Variants in PPP1R26 observed in about 807,000 individuals in gnomAD.
PPP1R26 encodes protein phosphatase 1 regulatory subunit 26.
PPP1R26 carries 22 observed loss-of-function variants against 67.6 expected under a neutral mutation model. That is an observed-to-expected ratio of 0.33 (90% confidence interval 0.23 to 0.46). The LOEUF is 0.46. PPP1R26 is among the 20% of genes least tolerant of loss of function. The pLI is 1.00. For synonymous variants in PPP1R26, 729 were observed against 717.2 expected (o/e 1.02, Z -0.26); for missense variants, 1,602 against 1,651.4 (o/e 0.97, Z 0.52).
chr9:135,485,158 G>A lies in PPP1R26; in HGVS notation c.648G>A (p.Val216=), dbSNP rs777063716. The A allele has an allele frequency of 1.7e-5, 27 of 1,612,790 alleles. No individual in the cohort carries two copies. Among genetic ancestry groups the A allele is most frequent in the Non-Finnish European group, 1.7e-6 (2 of 1,179,874 alleles). Reference sequence around the variant, plus strand: ...AGGGCTCCGCCTCCCCGGTCAGTGTGAGCAGCGATGACTCCTTCGAGCAGA... The same window carrying A: ...AGGGCTCCGCCTCCCCGGTCAGTGTAAGCAGCGATGACTCCTTCGAGCAGA... ...KDQGSASPVS[V]SSDDSFEQSI... Residue 216 remains valine, a synonymous_variant, in exon 4 of 4, where the codon GTG becomes GTA. Coordinates refer to ENST00000356818, the MANE Select transcript of PPP1R26 (RefSeq NM_014811.5). This position sits in a 1 kb window ranked among gnomAD's most constrained non-coding sequence, Gnocchi z 7.2.
intron 1 of PPP1R26, among the ~76,000 whole-genome samples, chr9:135,481,824 G>A (rs892541032): frequency 2.0e-5 from 3 of 151,872 alleles, no homozygotes; most frequent in African/African-American, 7.3e-5. Context: ...TCACCATATT[G>A]GCCAGGCTGG....
At position 135,487,879 on chromosome 9, in the gene PPP1R26, G is replaced by A; in HGVS notation, c.3369G>A (p.Gln1123=). 6.3e-7 allele frequency: 1 copy of A among 1,583,472 alleles called. No individual in the cohort carries two copies. Among genetic ancestry groups the A allele is most frequent in the Non-Finnish European group, 8.6e-7 (1 of 1,167,078 alleles). ...GPSFSAFREA[Q]AGPSPVFGSP... Reference sequence around the variant, plus strand: ...CCTTCTCGGCCTTCAGGGAGGCCCAGGCCGGACCCAGCCCTGTCTTTGGAA... The same window carrying A: ...CCTTCTCGGCCTTCAGGGAGGCCCAAGCCGGACCCAGCCCTGTCTTTGGAA... The change falls in exon 4 of 4, where the codon CAG becomes CAA. Residue 1123 remains glutamine, a synonymous_variant. Transcript: ENST00000356818.
chr9:135,480,797 G>A (rs934493605), intron 1 of PPP1R26: 16 of 152,422 alleles, frequency 1.0e-4, no homozygotes, highest in Non-Finnish European at 2.1e-4. Context: ...GCCCACTTCT[G>A]GGTGGCTGGA....
chr9:135,481,569 C>G (rs771678621), intron 1 of PPP1R26, among the ~76,000 whole-genome samples: 3 of 151,120 alleles, frequency 2.0e-5, no homozygotes, highest in African/African-American at 7.3e-5. Context: ...TGATTCATCT[C>G]GCATAATGTT....
chr9:135,481,246 T>G (rs569088909), intron 1 of PPP1R26, among the ~76,000 whole-genome samples: 2 of 150,298 alleles, frequency 1.3e-5, no homozygotes, highest in African/African-American at 2.4e-5. Flanking sequence ...GTTTTTTTTT[T>G]TTTTTTTTTT....
chr9:135,485,147 C>T lies in PPP1R26; in HGVS notation c.637C>T (p.Pro213Ser). The change falls in exon 4 of 4, where the codon CCG becomes TCG. Residue 213 changes from proline (P) to serine (S), a missense_variant. Pro to Ser is a moderately conservative substitution (Grantham distance 74, BLOSUM62 -1). This residue lies in a region of PPP1R26 where 680 missense variants were observed against 726.1 expected (regional missense o/e 0.94). Transcript: ENST00000356818. The surrounding 1 kb of genome is among the most constrained non-coding windows in gnomAD (Gnocchi z 7.2). ...GSSKDQGSAS[P>S]VSVSSDDSFE... is the part of the protein sequence containing the mutation. ...CAGCAAGGACCAGGGCTCCGCCTCC[C>T]CGGTCAGTGTGAGCAGCGATGACTC... 6.2e-7 allele frequency: 1 copy of T among 1,612,916 alleles called. No individual in the cohort carries two copies. The highest frequency in any genetic ancestry group is 8.5e-7 in the Non-Finnish European group (1 of 1,179,852).
Position 135,487,740 on chromosome 9 carries a change from G to A in PPP1R26, c.3230G>A (p.Gly1077Asp). ...GGCCTGCCCAGCCTGCCCCTTGCGG[G>A]CTTCTCGCCGCTGCTGTCCACCCAG... ...ARGLPSLPLA[G>D]FSPLLSTQLF... Residue 1077 changes from glycine to aspartate, a missense_variant, in exon 4 of 4, where the codon GGC becomes GAC. Around this residue, in one of 5 missense-constraint regions of PPP1R26, gnomAD observed 740 missense variants for 696.3 expected, o/e 1.06. Transcript: ENST00000356818. 3 of 1,460,226 alleles carry A rather than the reference G, an allele frequency of 2.1e-6. No homozygotes were observed. The highest frequency in any genetic ancestry group is 2.7e-6 in the Non-Finnish European group (3 of 1,106,502). The allele number at this position is 1,460,226 out of a possible 1,614,324, so 90.5% of individuals were successfully genotyped here.
rs369529963 is a variant in PPP1R26 at position 135,485,320 on chromosome 9, G to T, written c.810G>T (p.Pro270=). 1.2e-6 allele frequency: 2 copies of T among 1,612,954 alleles called. No individual in the cohort carries two copies. The highest frequency in any genetic ancestry group is 2.2e-5 in the East Asian group (1 of 44,876). The change falls in exon 4 of 4, where the codon CCG becomes CCT. Residue 270 remains proline, a synonymous_variant. Transcript: ENST00000356818. This position sits in a 1 kb window ranked among gnomAD's most constrained non-coding sequence, Gnocchi z 7.2. ...CACTCTTGAAATCCCACCAAGAGCCGCCTACAAAGGTGGTGCATCGGCAGG... is the reference window on the plus strand; with the variant it reads ...CACTCTTGAAATCCCACCAAGAGCCTCCTACAAAGGTGGTGCATCGGCAGG... ...AKSLLKSHQE[P]PTKVVHRQGL... is the part of the protein sequence containing the mutation.
chr9:135,483,933 A>G lies in PPP1R26; in HGVS notation c.-195-17A>G, dbSNP rs187448658. 1 of 399,142 alleles carries G rather than the reference A, an allele frequency of 2.5e-6. No individual in the cohort carries two copies. Among genetic ancestry groups the G allele is most frequent in the Admixed American group, 4.4e-5 (1 of 22,820 alleles). 24.7% of individuals were successfully genotyped at this position (399,142 alleles called of 1,614,324 possible). A position where few individuals can be genotyped will look rare whatever the true frequency, so the allele number is the denominator to read the frequency against. On this transcript the variant is annotated splice_polypyrimidine_tract_variant and intron_variant, in intron 2 of 3. Coordinates refer to ENST00000356818, the MANE Select transcript of PPP1R26 (RefSeq NM_014811.5). ...ATAATTTCTGAGTGGCTCACATCAT[A>G]CAACTTTCCGTTCCAGGAGCTTGTC... is the stretch of plus-strand genomic sequence containing the variant.
chr9:135,486,539 A>G lies in PPP1R26; in HGVS notation c.2029A>G (p.Lys677Glu). ...AGACGAGGCAAGGCGCCTAGACGAG[A>G]AAGAGAGCTCTGAAGACAAAAGCAG... is the stretch of plus-strand genomic sequence containing the variant. ...KTDEARRLDE[K>E]ESSEDKSSSL... The change falls in exon 4 of 4, where the codon AAA (lysine) becomes GAA (glutamate). Residue 677 changes from lysine to glutamate, a missense_variant. Coordinates refer to ENST00000356818, the MANE Select transcript of PPP1R26 (RefSeq NM_014811.5). The surrounding 1 kb of genome is among the most constrained non-coding windows in gnomAD (Gnocchi z 6.2). 6.2e-7 allele frequency: 1 copy of G among 1,612,352 alleles called. No individual in the cohort carries two copies. Among genetic ancestry groups the G allele is most frequent in the Admixed American group, 1.7e-5 (1 of 60,014 alleles).
At position 135,486,913 on chromosome 9, in the gene PPP1R26, C is replaced by T. The variant is rs1564209240; in HGVS notation, c.2403C>T (p.Ser801=). ...CCTTCCGGGTGAGGAGACCCGCCTC[C>T]GCCTCTGCCTCCGAAGGGAATCCAT... is the stretch of plus-strand genomic sequence containing the variant. ...ALAFRVRRPA[S]ASASEGNPFP... Residue 801 remains serine (S), a synonymous_variant, in exon 4 of 4, where the codon TCC becomes TCT. Transcript: ENST00000356818. The surrounding 1 kb of genome is among the most constrained non-coding windows in gnomAD (Gnocchi z 6.2). The T allele has an allele frequency of 6.2e-6, 10 of 1,612,894 alleles. No individual in the cohort carries two copies. The highest frequency in any genetic ancestry group is 1.7e-5 in the Admixed American group (1 of 60,028).
chr9:135,479,355 GC>G (rs1830431105), upstream of PPP1R26, among the ~76,000 whole-genome samples: 1 of 151,804 alleles, frequency 6.6e-6, no homozygotes, highest in Non-Finnish European at 1.5e-5. This position sits in a 1 kb window ranked among gnomAD's most constrained non-coding sequence, Gnocchi z 5.9. Flanking sequence ...TGGCGCCGGG[GC>G]CCCGCACGCT....
rs1238807878 is a variant in PPP1R26, at chr9:135,485,734, C to A, written c.1224C>A (p.Ser408Arg). 4.3e-6 allele frequency: 7 copies of A among 1,610,366 alleles called. No homozygotes were observed. Among genetic ancestry groups the A allele is most frequent in the Non-Finnish European group, 5.9e-6 (7 of 1,180,016 alleles). ...CTGACCCTCCCGCACACAGCACAAG[C>A]AGTGCCACAAAAAGTGCCTTGCCCG... ...RAPDPPAHSTSSATKSALPET... is the reference protein window; with the variant it reads ...RAPDPPAHSTRSATKSALPET... Residue 408 changes from serine to arginine, a missense_variant, in exon 4 of 4, where the codon AGC (serine) becomes AGA (arginine). Coordinates refer to ENST00000356818, the MANE Select transcript of PPP1R26 (RefSeq NM_014811.5). This position sits in a 1 kb window ranked among gnomAD's most constrained non-coding sequence, Gnocchi z 7.2.
intron 2 of PPP1R26, chr9:135,483,335 A>C (rs1294049722): frequency 1.3e-5 from 2 of 152,220 alleles, no homozygotes; most frequent in Non-Finnish European, 2.9e-5. Context: ...GTAAATACCC[A>C]ATTATGTGCT....
In PPP1R26 at chr9:135,484,115, G is replaced by C. The variant is rs1830616624; in HGVS notation, c.-63+33G>C. On this transcript the variant is annotated intron_variant, in intron 3 of 3. Transcript: ENST00000356818. Reference sequence around the variant, plus strand: ...AAACCTCTCCCCTCTTACAGAGAAGGTGGAAGCCCGGAGTGAGAAGGGAAG... The same window carrying C: ...AAACCTCTCCCCTCTTACAGAGAAGCTGGAAGCCCGGAGTGAGAAGGGAAG... The C allele has an allele frequency of 7.2e-6, 3 of 413,974 alleles. No individual in the cohort carries two copies. The East Asian group carries it at 1.0e-4, about 14-fold the overall frequency. 25.6% of individuals were successfully genotyped at this position (413,974 alleles called of 1,614,324 possible).
In PPP1R26 at chr9:135,485,886, C is replaced by T. The variant is rs368798891; in HGVS notation, c.1376C>T (p.Ala459Val). Residue 459 changes from alanine to valine, a missense_variant, in exon 4 of 4, where the codon GCG (alanine) becomes GTG (valine). Physicochemically the swap from Ala to Val is moderately conservative, Grantham distance 64. Transcript: ENST00000356818. The surrounding 1 kb of genome is among the most constrained non-coding windows in gnomAD (Gnocchi z 7.2). ...LLKETKAPPP[A>V]SPASRSEFVE... is the part of the protein sequence containing the mutation. ...AAGGAAACCAAAGCTCCACCTCCAG[C>T]GAGCCCTGCTTCCAGGAGTGAGTTT... The T allele has an allele frequency of 8.7e-5, 140 of 1,613,424 alleles. No individual in the cohort carries two copies. Among genetic ancestry groups the T allele is most frequent in the East Asian group, 1.1e-4 (5 of 44,870 alleles).
Position 135,487,753 on chromosome 9 carries a change from G to A in PPP1R26, c.3243G>A (p.Leu1081=), listed in dbSNP as rs769611358. ...TGCCCCTTGCGGGCTTCTCGCCGCT[G>A]CTGTCCACCCAGCTCTTCCACTTTG... ...PSLPLAGFSP[L]LSTQLFHFGK... The change falls in exon 4 of 4, where the codon CTG becomes CTA. Residue 1081 remains leucine (L), a synonymous_variant. Transcript: ENST00000356818. The A allele has an allele frequency of 6.8e-7, 1 of 1,479,542 alleles. No individual in the cohort carries two copies. The highest frequency in any genetic ancestry group is 9.0e-7 in the Non-Finnish European group (1 of 1,116,636). The allele number at this position is 1,479,542 out of a possible 1,614,324, so 91.7% of individuals were successfully genotyped here. A position where few individuals can be genotyped will look rare whatever the true frequency, so the allele number is the denominator to read the frequency against.
rs894762414 is a variant in PPP1R26, at chr9:135,482,732, G to A, written c.-279G>A. Reference sequence around the variant, plus strand: ...GAGAGAATGCCTCGGTGTGTAAGTGGAGTGATGAGGACCTGATCTCTGGGC... The same window carrying A: ...GAGAGAATGCCTCGGTGTGTAAGTGAAGTGATGAGGACCTGATCTCTGGGC... On this transcript the variant is annotated 5_prime_UTR_variant, in exon 2 of 4. Coordinates refer to ENST00000356818, the MANE Select transcript of PPP1R26 (RefSeq NM_014811.5). The A allele has an allele frequency of 5.0e-6, 2 of 398,458 alleles. No homozygotes were observed. The highest frequency in any genetic ancestry group is 8.8e-6 in the Non-Finnish European group (2 of 226,072). The allele number at this position is 398,458 out of a possible 1,614,324, so 24.7% of individuals were successfully genotyped here. A position where few individuals can be genotyped will look rare whatever the true frequency, so the allele number is the denominator to read the frequency against.
chr9:135,486,690 C>A lies in PPP1R26; in HGVS notation c.2180C>A (p.Ala727Asp), dbSNP rs552032298. The change falls in exon 4 of 4, where the codon GCC becomes GAC. Residue 727 changes from alanine to aspartate, a missense_variant. Ala to Asp is a moderately radical substitution (Grantham distance 126, BLOSUM62 -2). This residue lies in a region of PPP1R26 where 740 missense variants were observed against 696.3 expected (regional missense o/e 1.06). Transcript: ENST00000356818. This position sits in a 1 kb window ranked among gnomAD's most constrained non-coding sequence, Gnocchi z 6.2. ...AGGAAGAAGGTCAGGTTCAGCACAG[C>A]CCAGACGCACTTCTTGGAGCAGCTG... ...ACRKKVRFST[A>D]QTHFLEQLGG... 32 of 1,599,692 alleles carry A rather than the reference C, an allele frequency of 2.0e-5. No individual in the cohort carries two copies. The highest frequency in any genetic ancestry group is 4.5e-5 in the South Asian group (4 of 89,366).
Sources: allele counts gnomAD v4.1 joint callset (sites outside exome capture counted in the v4.1 genomes callset), GRCh38; gene constraint gnomAD v4.1.1; regional missense constraint gnomAD v4.1.1; non-coding constraint Gnocchi (gnomAD v3.1); transcripts MANE v1.5; gene names NCBI Gene and HGNC (gene_info 2026-07-23, HGNC 2026-07-21).